RFTN1: variants seen among roughly 807,000 people sequenced by gnomAD.
The protein encoded by RFTN1 is raftlin, lipid raft linker 1.
Under a neutral mutation model 46.5 loss-of-function variants are expected in RFTN1, and 26 were observed. That is an observed-to-expected ratio of 0.56 (90% CI 0.41 to 0.78). RFTN1 has a LOEUF of 0.78. Among genes scored for constraint, RFTN1 ranks in the 30% least tolerant of loss-of-function variants. The pLI is 0.00. For missense variants in RFTN1, 693 were observed against 718.7 expected, an observed-to-expected ratio of 0.96 and a Z score of 0.41; for synonymous variants, 261 against 284.2, an observed-to-expected ratio of 0.92 and a Z score of 0.82.
In RFTN1 at chr3:16,506,675, C is replaced by A. The variant is rs118038980; in HGVS notation, c.-9+6767G>T. On this transcript the variant is annotated intron_variant, in intron 1 of 9. Coordinates refer to ENST00000334133, the MANE Select transcript of RFTN1 (RefSeq NM_015150.2). This position sits in a 1 kb window ranked among gnomAD's most constrained non-coding sequence, Gnocchi z 4.8. ...CAGGAGTTAGCCATGTTAACTCCAC[C>A]CAAGCAGAGGTATGCAGTAGGCCGC... Among the ~76,000 whole-genome samples, 42 of 151,776 alleles carry A rather than the reference C, an allele frequency of 2.8e-4. No individual in the cohort carries two copies. The East Asian group carries it at 6.6e-3, about 24-fold the overall frequency.
rs1310684169 is a variant in RFTN1 at position 16,353,238 on chromosome 3, G to T, written c.1146+4694C>A. Among the ~76,000 whole-genome samples, 1 of 152,170 alleles carries T rather than the reference G, an allele frequency of 6.6e-6. No homozygotes were observed. The highest frequency in any genetic ancestry group is 1.5e-5 in the Non-Finnish European group (1 of 68,024). On this transcript the variant is annotated intron_variant, in intron 7 of 9. Transcript: ENST00000334133. The surrounding 1 kb of genome is among the most constrained non-coding windows in gnomAD (Gnocchi z 5.4). ...TTAAAAAGGAAAAATCTTTCCCAGA[G>T]GCCAAAAGGGTGGGGAAAAGAAGTA...
At chr3:16,490,552 T>C (rs1420376116) in intron 2 of RFTN1, among the ~76,000 whole-genome samples, 2 of 152,212 alleles carry the variant, frequency 1.3e-5, no homozygotes, top group Non-Finnish European at 2.9e-5. Context: ...TAAAGAGTTG[T>C]GCAGAATCAG....
intron 8 of RFTN1, among the ~76,000 whole-genome samples, chr3:16,323,897 G>T (rs1180798914): frequency 1.3e-5 from 2 of 152,204 alleles, no homozygotes; most frequent in African/African-American, 4.8e-5. Flanking sequence ...CTGCATCCAG[G>T]GTCTCAGCCA....
At chr3:16,360,072 G>GT (rs1196251805) in intron 6 of RFTN1, among the ~76,000 whole-genome samples, 1 of 151,964 alleles carries the variant, frequency 6.6e-6, no homozygotes, top group African/African-American at 2.4e-5. Flanking sequence ...AGCTTTTATA[G>GT]TTAAAAATAC....
At chr3:16,495,289 T>C (rs1575373181) in intron 1 of RFTN1, among the ~76,000 whole-genome samples, 1 of 152,232 alleles carries the variant, frequency 6.6e-6, no homozygotes, top group South Asian at 2.1e-4. Context: ...CCGGCTGGCA[T>C]CCACTGGGAC....
chr3:16,437,961 T>A (rs2075548338), intron 2 of RFTN1, among the ~76,000 whole-genome samples: 1 of 152,200 alleles, frequency 6.6e-6, no homozygotes, highest in Non-Finnish European at 1.5e-5. Context: ...AAACTGAATG[T>A]ACTTTTGGTA....
chr3:16,495,076 T>C (rs761165772), intron 1 of RFTN1, among the ~76,000 whole-genome samples: 2 of 152,156 alleles, frequency 1.3e-5, no homozygotes, highest in Non-Finnish European at 2.9e-5. Flanking sequence ...TACTTTTCAG[T>C]AATTAAAAAA....
intron 7 of RFTN1, among the ~76,000 whole-genome samples, chr3:16,340,945 C>G (rs2071277877): frequency 6.6e-6 from 1 of 152,132 alleles, no homozygotes; most frequent in African/African-American, 2.4e-5. Context: ...ACAAAGAATT[C>G]ATAAGACTAA....
intron 3 of RFTN1, 87 bp from the exon 4 acceptor site, chr3:16,409,570 T>C (rs1282839664): frequency 1.1e-6 from 1 of 903,666 alleles, no homozygotes; most frequent in Non-Finnish European, 1.8e-6. Context: ...CAGGCTGGAG[T>C]GCAATGACGC....
rs143553324 is a variant in RFTN1 at position 16,481,801 on chromosome 3, C to G, written c.145+11924G>C. ...CAATGTTACCTAGAGGAGCAAGGAG[C>G]GATTTTCTAGGAAAGAAAAATGTTT... is the stretch of plus-strand genomic sequence containing the variant. On this transcript the variant is annotated intron_variant, in intron 2 of 9. Transcript: ENST00000334133. The surrounding 1 kb of genome is among the most constrained non-coding windows in gnomAD (Gnocchi z 5.1). Among the ~76,000 whole-genome samples the G allele has an allele frequency of 6.6e-6, 1 of 152,044 alleles. No individual in the cohort carries two copies. The highest frequency in any genetic ancestry group is 1.5e-5 in the Non-Finnish European group (1 of 68,010).
rs1250043407 is a variant in RFTN1 at position 16,382,692 on chromosome 3, C to G, written c.442-4590G>C. Among the ~76,000 whole-genome samples, 1 of 152,190 alleles carries G rather than the reference C, an allele frequency of 6.6e-6. No homozygotes were observed. The highest frequency in any genetic ancestry group is 1.5e-5 in the Non-Finnish European group (1 of 68,046). ...GTCTCACCAGCTGGAATCACAGTATCTTCTTCCCTGTTTCTAATCCTGTGT... is the reference window on the plus strand; with the variant it reads ...GTCTCACCAGCTGGAATCACAGTATGTTCTTCCCTGTTTCTAATCCTGTGT... On this transcript the variant is annotated intron_variant, in intron 4 of 9. Transcript: ENST00000334133. The surrounding 1 kb of genome is among the most constrained non-coding windows in gnomAD (Gnocchi z 4.7).
rs2076393278 is a variant in RFTN1 at position 16,483,001 on chromosome 3, T to A, written c.145+10724A>T. The A allele has an allele frequency of 1.6e-6, 1 of 610,668 alleles. No individual in the cohort carries two copies. The highest frequency in any genetic ancestry group is 2.9e-6 in the Non-Finnish European group (1 of 347,602). The allele number at this position is 610,668 out of a possible 1,614,324, so 37.8% of individuals were successfully genotyped here. ...CTCCCTTCTAGCCATCCACCTTCCC[T>A]CCTCCAGGGCTTCTGACATTTTGCT... is the stretch of plus-strand genomic sequence containing the variant. On this transcript the variant is annotated intron_variant, in intron 2 of 9. Coordinates refer to ENST00000334133, the MANE Select transcript of RFTN1 (RefSeq NM_015150.2). This position sits in a 1 kb window ranked among gnomAD's most constrained non-coding sequence, Gnocchi z 4.8.
At position 16,374,771 on chromosome 3, in the gene RFTN1, G is replaced by A. The variant is rs191676551; in HGVS notation, c.826+2947C>T. Among the ~76,000 whole-genome samples the A allele has an allele frequency of 3.0e-3, 453 of 152,242 alleles. 2 individuals carry two copies. Among genetic ancestry groups the A allele is most frequent in the Non-Finnish European group, 3.7e-3 (250 of 68,016 alleles). On this transcript the variant is annotated intron_variant, in intron 5 of 9. Coordinates refer to ENST00000334133, the MANE Select transcript of RFTN1 (RefSeq NM_015150.2). This position sits in a 1 kb window ranked among gnomAD's most constrained non-coding sequence, Gnocchi z 5.4. ...TCCCTGCACAGGCTCAGGTGATCAC[G>A]GCACAGCACGGACCTCCAACCAAAA...
rs2074045433 is a variant in RFTN1 at position 16,382,989 on chromosome 3, CA to C, written c.442-4888del. Among the ~76,000 whole-genome samples, 2 of 152,196 alleles carry C rather than the reference CA, an allele frequency of 1.3e-5. No individual in the cohort carries two copies. Among genetic ancestry groups the C allele is most frequent in the African/African-American group, 4.8e-5 (2 of 41,436 alleles). ...ACAACATCTCTAACAACAGCGATTA[CA>C]GGAAACAGCAACTATTAACATTGCA... is the stretch of plus-strand genomic sequence containing the variant. On this transcript the variant is annotated intron_variant, in intron 4 of 9. Coordinates refer to ENST00000334133, the MANE Select transcript of RFTN1 (RefSeq NM_015150.2). This position sits in a 1 kb window ranked among gnomAD's most constrained non-coding sequence, Gnocchi z 4.7.
chr3:16,451,991 G>T lies in RFTN1; in HGVS notation c.146-17954C>A, dbSNP rs768577730. On this transcript the variant is annotated intron_variant, in intron 2 of 9. Coordinates refer to ENST00000334133, the MANE Select transcript of RFTN1 (RefSeq NM_015150.2). The surrounding 1 kb of genome is among the most constrained non-coding windows in gnomAD (Gnocchi z 4.2). ...CTGAGTGGCCACTAAGTGAGTAATG[G>T]GTGGGTATATTATGGACAGCATGGA... 1.3e-5 allele frequency among the ~76,000 whole-genome samples: 2 copies of T among 152,104 alleles called. No homozygotes were observed. The highest frequency in any genetic ancestry group is 2.9e-5 in the Non-Finnish European group (2 of 68,024).
chr3:16,423,321 A>G (rs1456321992), intron 3 of RFTN1, among the ~76,000 whole-genome samples: 1 of 152,164 alleles, frequency 6.6e-6, no homozygotes, highest in African/African-American at 2.4e-5. Context: ...TCTTGTGGGT[A>G]GACACCAGAG....
At position 16,434,408 on chromosome 3, in the gene RFTN1, C is replaced by CAAAA. The variant is rs752211010; in HGVS notation, c.146-372_146-371insTTTT. On this transcript the variant is annotated intron_variant, in intron 2 of 9. Coordinates refer to ENST00000334133, the MANE Select transcript of RFTN1 (RefSeq NM_015150.2). The stretch of plus-strand genomic sequence containing the variant: ...AACAAACAAACAAAAACAAAAAAAC[C>CAAAA]CCCTCAAAATTAGCCAGTGCTTGTG... Among the ~76,000 whole-genome samples the CAAAA allele has an allele frequency of 1.1e-3, 163 of 150,286 alleles. 1 individual carries two copies. Among genetic ancestry groups the CAAAA allele is most frequent in the Middle Eastern group, 3.4e-3 (1 of 292 alleles).
rs200436660 is a variant in RFTN1 at position 16,509,207 on chromosome 3, C to CA, written c.-9+4234dup. ...CAAAATGAAAACAAACAAACAACAA[C>CA]AAAAAAAAACTAAAGAAAATGATTG... On this transcript the variant is annotated intron_variant, in intron 1 of 9. Coordinates refer to ENST00000334133, the MANE Select transcript of RFTN1 (RefSeq NM_015150.2). This position sits in a 1 kb window ranked among gnomAD's most constrained non-coding sequence, Gnocchi z 4.9. Among the ~76,000 whole-genome samples, 2,390 of 150,976 alleles carry CA rather than the reference C, an allele frequency of 0.016. 64 individuals are homozygous for CA. Among genetic ancestry groups the CA allele is most frequent in the African/African-American group, 0.053 (2,179 of 41,210 alleles).
intron 6 of RFTN1, 148 bp downstream of exon 6, chr3:16,369,928 A>C (rs530124007): frequency 1.3e-6 from 1 of 746,938 alleles, no homozygotes; most frequent in African/African-American, 1.8e-5. Context: ...AAAGTTCCTC[A>C]AGATGTGTTA....
Sources: allele counts gnomAD v4.1 joint callset (sites outside exome capture counted in the v4.1 genomes callset), GRCh38; gene constraint gnomAD v4.1.1; non-coding constraint Gnocchi (gnomAD v3.1); transcripts MANE v1.5; gene names NCBI Gene and HGNC (gene_info 2026-07-23, HGNC 2026-07-21).